ALPK1: variants seen among roughly 807,000 people sequenced by gnomAD.
ALPK1 encodes the protein alpha kinase 1, also known as alpha-protein kinase 1.
Under a neutral mutation model 120.6 loss-of-function variants are expected in ALPK1, and 110 were observed. The ratio of observed to expected loss-of-function variants is 0.91; its 90% CI spans 0.78 to 1.07. The LOEUF (loss-of-function observed/expected upper bound fraction) is 1.07, where lower values mean the gene tolerates loss of function less well. Ranked by LOEUF, ALPK1 falls within the 50% of genes least tolerant of loss-of-function variation. ALPK1 has a pLI of 0.00. For synonymous variants in ALPK1, 582 were observed against 560.3 expected, an observed-to-expected ratio of 1.04 and a Z score of -0.55; for missense variants, 1,498 against 1,483.9, an observed-to-expected ratio of 1.01 and a Z score of -0.16.
chr4:112,399,473 C>A (rs902694665), intron 4 of ALPK1, among the ~76,000 whole-genome samples: 1 of 152,110 alleles, frequency 6.6e-6, no homozygotes, highest in East Asian at 1.9e-4. Flanking sequence ...CAGGTAAAGA[C>A]GTGAGGACAG....
At chr4:112,419,233 C>G (rs754230008) in intron 5 of ALPK1, among the ~76,000 whole-genome samples, 2 of 152,080 alleles carry the variant, frequency 1.3e-5, no homozygotes, top group African/African-American at 4.8e-5. Flanking sequence ...AAATTTAATT[C>G]GACTGTAAGC....
At chr4:112,346,613 C>T (rs1323230158) in intron 2 of ALPK1, among the ~76,000 whole-genome samples, 1 of 152,204 alleles carries the variant, frequency 6.6e-6, no homozygotes, top group East Asian at 1.9e-4. Flanking sequence ...ATGATGCCAA[C>T]CAGTCATTTG....
chr4:112,382,430 C>T lies in ALPK1; in HGVS notation c.154C>T (p.Gln52Ter), dbSNP rs1159384906. ...CCCCAGCGAGTTAAGGACCCTGATC[C>T]AGGAGGCAAAGGAAATGAAGTGGCC... ...LLPSELRTLI[Q>*]EAKEMKWPFV... The change falls in exon 4 of 16, where the codon CAG becomes TAG. Residue 52 changes from glutamine to a stop codon, truncating the protein, a stop_gained. Transcript: ENST00000650871. LOFTEE classifies it high-confidence loss of function. The T allele has an allele frequency of 3.7e-6, 6 of 1,613,910 alleles. No individual in the cohort carries two copies. The Admixed American group carries it at 8.3e-5, about 22-fold the overall frequency.
At chr4:112,318,649 A>G (rs1413808072) in intron 2 of ALPK1, among the ~76,000 whole-genome samples, 1 of 152,254 alleles carries the variant, frequency 6.6e-6, no homozygotes, top group African/African-American at 2.4e-5. Context: ...TGAGTTTATT[A>G]GATAAAAATG....
At chr4:112,337,962 C>G (rs1484548019) in intron 2 of ALPK1, among the ~76,000 whole-genome samples, 2 of 151,996 alleles carry the variant, frequency 1.3e-5, no homozygotes, top group Non-Finnish European at 2.9e-5. Flanking sequence ...GATTAATAAA[C>G]TATTTTATGT....
chr4:112,429,407 AT>A (rs1433521444), intron 10 of ALPK1, among the ~76,000 whole-genome samples, 154 bp downstream of exon 10: 3 of 152,182 alleles, frequency 2.0e-5, no homozygotes, highest in African/African-American at 4.8e-5. Flanking sequence ...ATATGGAAAA[AT>A]TTTATTGGTC....
intron 1 of ALPK1, among the ~76,000 whole-genome samples, chr4:112,315,066 G>C (rs76195061): frequency 6.6e-6 from 1 of 151,866 alleles, no homozygotes; most frequent in Non-Finnish European, 1.5e-5. Context: ...TTTTAGTAGA[G>C]ACAGGGTTTC....
intron 2 of ALPK1, among the ~76,000 whole-genome samples, chr4:112,374,735 T>C (rs1731574991): frequency 6.6e-6 from 1 of 152,220 alleles, no homozygotes; most frequent in Non-Finnish European, 1.5e-5. Context: ...AAGAACAACA[T>C]TAATCTTGTA....
At chr4:112,376,555 G>C (rs547530733) in intron 2 of ALPK1, among the ~76,000 whole-genome samples, 1 of 152,158 alleles carries the variant, frequency 6.6e-6, no homozygotes, top group Non-Finnish European at 1.5e-5. Context: ...AGGGAAAAAG[G>C]CTTTCTTGCT....
intron 5 of ALPK1, chr4:112,412,439 A>G: frequency 2.2e-6 from 1 of 460,382 alleles, no homozygotes; most frequent in South Asian, 1.5e-5. Flanking sequence ...TAAGCTGACA[A>G]TAGAGCTGAC....
intron 1 of ALPK1, among the ~76,000 whole-genome samples, chr4:112,307,174 T>C (rs1214739780): frequency 6.6e-6 from 1 of 152,116 alleles, no homozygotes; most frequent in Non-Finnish European, 1.5e-5. Flanking sequence ...CTTCCAACTA[T>C]GTGGTCAGTT....
At chr4:112,319,107 C>T in intron 2 of ALPK1, among the ~76,000 whole-genome samples, 1 of 152,288 alleles carries the variant, frequency 6.6e-6, no homozygotes, top group Non-Finnish European at 1.5e-5. Context: ...GGGAAAGAGA[C>T]AAGTGGCAGG....
At chr4:112,381,201 A>G (rs2023825) in intron 3 of ALPK1, among the ~76,000 whole-genome samples, 132,792 of 152,236 alleles carry the variant, frequency 0.87, 58,021 homozygotes, top group Middle Eastern at 0.94. Flanking sequence ...GGAAGAGGAG[A>G]AAATGGATTT....
intron 4 of ALPK1, 32 bp downstream of exon 4, chr4:112,382,584 T>C: frequency 6.2e-7 from 1 of 1,614,074 alleles, no homozygotes; most frequent in Non-Finnish European, 8.5e-7. Flanking sequence ...GTTCCTCTGA[T>C]ATCCCCAAGT....
chr4:112,372,777 T>C (rs1731473393), intron 2 of ALPK1, among the ~76,000 whole-genome samples: 1 of 152,100 alleles, frequency 6.6e-6, no homozygotes, highest in Non-Finnish European at 1.5e-5. Context: ...CCCTCCCTAA[T>C]TCCCCCCATC....
At chr4:112,362,346 A>T (rs1169933321) in intron 2 of ALPK1, among the ~76,000 whole-genome samples, 1 of 152,260 alleles carries the variant, frequency 6.6e-6, no homozygotes, top group African/African-American at 2.4e-5. Context: ...AAATGATACA[A>T]GATATTAATG....
chr4:112,305,597 T>C (rs1245033553), intron 1 of ALPK1, among the ~76,000 whole-genome samples: 1 of 152,140 alleles, frequency 6.6e-6, no homozygotes, highest in Non-Finnish European at 1.5e-5. Context: ...TGCACATTGA[T>C]TTTGTATCCT....
At chr4:112,329,171 G>A (rs932668352) in intron 2 of ALPK1, among the ~76,000 whole-genome samples, 1 of 152,148 alleles carries the variant, frequency 6.6e-6, no homozygotes, top group Non-Finnish European at 1.5e-5. Context: ...GAACAAGAAG[G>A]CAGGAAGGAG....
chr4:112,310,116 C>T (rs1728327299), intron 1 of ALPK1, among the ~76,000 whole-genome samples: 1 of 152,086 alleles, frequency 6.6e-6, no homozygotes, highest in Admixed American at 6.6e-5. Context: ...AATAAAATTT[C>T]ATGGATCTCT....
Sources: gnomAD v4.1 joint callset for allele counts (sites outside exome capture counted in the v4.1 genomes callset) on GRCh38, gnomAD v4.1.1 for gene constraint, MANE v1.5 for transcripts, NCBI Gene and HGNC (gene_info 2026-07-23, HGNC 2026-07-21) for gene names.